The following PDE6A variants were observed in gnomAD, a reference collection of about 807,000 sequenced individuals.
PDE6A encodes rod cGMP-specific 3',5'-cyclic phosphodiesterase subunit alpha.
PDE6A carries 84 observed loss-of-function variants against 106.3 expected under a neutral mutation model. The observed-to-expected ratio is 0.79, with a 90% confidence interval of 0.66 to 0.95. The LOEUF (loss-of-function observed/expected upper bound fraction) is 0.95. PDE6A is among the 40% of genes least tolerant of loss of function. The probability of loss-of-function intolerance (pLI) is 0.00; values close to 1 mark genes in which losing one functional copy is unlikely to be tolerated. For synonymous variants in PDE6A, 394 were observed against 386.6 expected (o/e 1.02, Z -0.23); for missense variants, 1,052 against 1,084.9 (o/e 0.97, Z 0.43).
At chr5:149,925,899 T>C (rs977883094) in intron 4 of PDE6A, among the ~76,000 whole-genome samples, 3 of 152,150 alleles carry the variant, frequency 2.0e-5, no homozygotes, top group Non-Finnish European at 2.9e-5. Flanking sequence ...TGATATTTTA[T>C]AAACATACTG....
At chr5:149,900,141 G>A (rs1385418715) in intron 8 of PDE6A, among the ~76,000 whole-genome samples, 2 of 151,818 alleles carry the variant, frequency 1.3e-5, no homozygotes, top group African/African-American at 4.8e-5. Flanking sequence ...ATCACTTGAT[G>A]TCAGGAGTTT....
At chr5:149,898,640 C>A in intron 9 of PDE6A, 134 bp from the exon 10 acceptor site, 1 of 825,158 alleles carries the variant, frequency 1.2e-6, no homozygotes, top group Non-Finnish European at 1.9e-6. Context: ...GTGCTGCCCA[C>A]CTTGCGGAGT....
In PDE6A at chr5:149,895,306, C is replaced by CATCAGTGA; in HGVS notation, c.1621-24_1621-17dup. On this transcript the variant is annotated splice_polypyrimidine_tract_variant and intron_variant, in intron 12 of 21. Transcript: ENST00000255266. ...GCACCAGGGCCTGTGAACACATGCACATCAGTGAGGCAGGACACACCTGAA... is the reference window on the plus strand; with the variant it reads ...GCACCAGGGCCTGTGAACACATGCACATCAGTGAATCAGTGAGGCAGGACACACCTGAA... The CATCAGTGA allele has an allele frequency of 6.5e-7, 1 of 1,538,256 alleles. No individual in the cohort carries two copies. Among genetic ancestry groups the CATCAGTGA allele is most frequent in the South Asian group, 1.1e-5 (1 of 89,602 alleles).
intron 10 of PDE6A, among the ~76,000 whole-genome samples, 166 bp from the exon 11 acceptor site, chr5:149,896,942 A>G (rs1471239360): frequency 5.3e-5 from 8 of 152,228 alleles, no homozygotes; most frequent in Non-Finnish European, 1.2e-4. Context: ...CTTTAGAGCC[A>G]TAGAGACCTG....
chr5:149,907,462 C>G (rs772627685), intron 6 of PDE6A, 84 bp from the exon 7 acceptor site: 129 of 1,105,570 alleles, frequency 1.2e-4, no homozygotes, highest in Non-Finnish European at 1.6e-4. Context: ...TGCGCTCCCC[C>G]TGCTCTCAGG....
In PDE6A at chr5:149,912,946, G is replaced by A. The variant is rs75609040; in HGVS notation, c.998+1997C>T. ...CAAGCAGAGACAAACAGAAAATTGCGACCTGTGACCATTTAAGAGACAGAT... is the reference window on the plus strand; with the variant it reads ...CAAGCAGAGACAAACAGAAAATTGCAACCTGTGACCATTTAAGAGACAGAT... On this transcript the variant is annotated intron_variant, in intron 6 of 21. Transcript: ENST00000255266. 3.8e-3 allele frequency among the ~76,000 whole-genome samples: 579 copies of A among 152,174 alleles called. 3 individuals are homozygous for A. The highest frequency in any genetic ancestry group is 0.013 in the African/African-American group (533 of 41,504).
intron 21 of PDE6A, 36 bp from the exon 22 acceptor site, chr5:149,861,007 CAA>C (rs1297384090): frequency 6.3e-7 from 1 of 1,593,140 alleles, no homozygotes; most frequent in African/African-American, 1.3e-5. Flanking sequence ...CACCAGGTGA[CAA>C]GAGGCTGCAG....
At chr5:149,941,070 C>T (rs961766699) in intron 1 of PDE6A, among the ~76,000 whole-genome samples, 5 of 152,146 alleles carry the variant, frequency 3.3e-5, no homozygotes, top group Non-Finnish European at 7.3e-5. Context: ...GAATAAGACC[C>T]GCATGGGCCC....
rs1242139603 is a variant in PDE6A, at chr5:149,898,496, T to C, written c.1274A>G (p.Gln425Arg). 1 of 1,613,490 alleles carries C rather than the reference T, an allele frequency of 6.2e-7. No individual in the cohort carries two copies. The change falls in exon 10 of 22, where the codon CAA becomes CGA. Residue 425 changes from glutamine to arginine, a missense_variant. By Grantham distance (43) the Gln-to-Arg change is conservative. Coordinates refer to ENST00000255266, the MANE Select transcript of PDE6A (RefSeq NM_000440.3). ...MDETLMESLTQFLGWSVLNPD... is the reference protein window; with the variant it reads ...MDETLMESLTRFLGWSVLNPD... Reference sequence around the variant, plus strand: ...ATTTAAGACAGACCAGCCCAGAAATTGAGTCAAAGACTGAAAAAGAAAGAA... The same window carrying C: ...ATTTAAGACAGACCAGCCCAGAAATCGAGTCAAAGACTGAAAAAGAAAGAA...
intron 4 of PDE6A, among the ~76,000 whole-genome samples, chr5:149,927,796 A>G (rs1581206915): frequency 6.6e-6 from 1 of 151,740 alleles, no homozygotes; most frequent in African/African-American, 2.4e-5. Context: ...TTTGCTTTAT[A>G]TCTTTATCCT....
intron 4 of PDE6A, among the ~76,000 whole-genome samples, chr5:149,923,358 C>T (rs746488790): frequency 6.6e-5 from 10 of 151,868 alleles, no homozygotes; most frequent in South Asian, 2.1e-4. Flanking sequence ...ATTAGCCGGG[C>T]GTGGTGGTAT....
rs146354942 is a variant in PDE6A, at chr5:149,884,525, T to C, written c.1981A>G (p.Met661Val). 3 of 1,613,774 alleles carry C rather than the reference T, an allele frequency of 1.9e-6. No individual in the cohort carries two copies. The highest frequency in any genetic ancestry group is 1.7e-6 in the Non-Finnish European group (2 of 1,179,884). ...NRRQHEHAIH[M>V]MDIAIIATDL... The stretch of plus-strand genomic sequence containing the variant: ...GTGGCAATGATTGCAATGTCCATCA[T>C]GTGGATGGCATGCTCATGCTGTCGA... The change falls in exon 16 of 22, where the codon ATG becomes GTG. Residue 661 changes from methionine to valine, a missense_variant. Physicochemically the swap from Met to Val is conservative, Grantham distance 21. This residue lies in a region of PDE6A where 913 missense variants were observed against 915.2 expected (regional missense o/e 1.00). Transcript: ENST00000255266.
intron 1 of PDE6A, among the ~76,000 whole-genome samples, chr5:149,941,424 G>T (rs913486977): frequency 6.6e-6 from 1 of 152,200 alleles, no homozygotes; most frequent in Non-Finnish European, 1.5e-5. Context: ...CATCCAGAGA[G>T]GGGGAGTGAT....
intron 6 of PDE6A, among the ~76,000 whole-genome samples, chr5:149,913,556 T>G (rs765710909): frequency 6.6e-6 from 1 of 152,152 alleles, no homozygotes; most frequent in Non-Finnish European, 1.5e-5. Context: ...CAGTTTGGTC[T>G]GGTGACCAAA....
chr5:149,906,536 A>AAAAAAC, intron 7 of PDE6A, among the ~76,000 whole-genome samples: 1 of 149,576 alleles, frequency 6.7e-6, no homozygotes, highest in African/African-American at 2.5e-5. Flanking sequence ...AAAAAAAAAA[A>AAAAAAC]AATCCCACCT....
chr5:149,875,553 C>T (rs1044581313), intron 17 of PDE6A, among the ~76,000 whole-genome samples: 8 of 150,804 alleles, frequency 5.3e-5, no homozygotes, highest in African/African-American at 1.7e-4. Context: ...GTAGTGGCAC[C>T]GTCAGGGCTC....
At chr5:149,932,435 A>C in intron 3 of PDE6A, 1 of 1,391,036 alleles carries the variant, frequency 7.2e-7, no homozygotes, top group South Asian at 1.2e-5. Context: ...GAGTTGACTG[A>C]ATAAGGTCAA....
At chr5:149,890,387 T>G (rs1452683744) in intron 13 of PDE6A, among the ~76,000 whole-genome samples, 1 of 152,246 alleles carries the variant, frequency 6.6e-6, no homozygotes, top group South Asian at 2.1e-4. Flanking sequence ...CTAATTAGGC[T>G]TATTTTATAT....
At chr5:149,911,471 G>A (rs1015719646) in intron 6 of PDE6A, among the ~76,000 whole-genome samples, 6 of 152,182 alleles carry the variant, frequency 3.9e-5, no homozygotes, top group African/African-American at 1.4e-4. Flanking sequence ...TTTGAGATCT[G>A]TAGATGAAAC....
Sources: gnomAD v4.1 joint callset for allele counts (sites outside exome capture counted in the v4.1 genomes callset) on GRCh38, gnomAD v4.1.1 for gene constraint, gnomAD v4.1.1 regional missense constraint, MANE v1.5 for transcripts, NCBI Gene and HGNC (gene_info 2026-07-23, HGNC 2026-07-21) for gene names.